Variants in JCHAIN observed in about 807,000 individuals in gnomAD.
JCHAIN encodes immunoglobulin J chain.
JCHAIN carries 5 observed loss-of-function variants against 11.1 expected under a neutral mutation model. The observed-to-expected ratio is 0.45, with a 90% CI of 0.24 to 0.95. The LOEUF (loss-of-function observed/expected upper bound fraction) is 0.95. JCHAIN is among the 40% of genes least tolerant of loss of function. The probability of loss-of-function intolerance (pLI) is 0.21; values close to 1 mark genes in which losing one functional copy is unlikely to be tolerated. For missense variants in JCHAIN, 165 were observed against 192.7 expected (o/e 0.86, Z 0.85); for synonymous variants, 51 against 67.8 (o/e 0.75, Z 1.22).
intron 2 of JCHAIN, among the ~76,000 whole-genome samples, chr4:70,660,465 C>T (rs973380121): frequency 4.0e-5 from 6 of 150,396 alleles, no homozygotes; most frequent in African/African-American, 1.2e-4. Context: ...CTGACTGCAA[C>T]CTCCGCCTTC....
rs75422156 is a variant in JCHAIN, at chr4:70,656,214, CAA to C, written c.*113_*114del. The C allele has an allele frequency of 0.025, 14,017 of 568,692 alleles. No homozygotes were observed. Among genetic ancestry groups the C allele is most frequent in the South Asian group, 0.043 (1,775 of 41,600 alleles). The allele number at this position is 568,692 out of a possible 1,614,324, so 35.2% of individuals were successfully genotyped here. On this transcript the variant is annotated 3_prime_UTR_variant, in exon 4 of 4. Transcript: ENST00000254801. ...GGCAGGGAGTTGGTTTTACATCACC[CAA>C]AAAAAAAAAAAAGCCCTGGTTTCAA...
At chr4:70,661,770 C>T (rs1330196918) in intron 2 of JCHAIN, among the ~76,000 whole-genome samples, 1 of 152,112 alleles carries the variant, frequency 6.6e-6, no homozygotes, top group East Asian at 1.9e-4. Context: ...CAGAGTGAGA[C>T]CCTGTCTCAA....
chr4:70,665,315 T>C (rs551251332), intron 1 of JCHAIN, among the ~76,000 whole-genome samples: 1 of 152,286 alleles, frequency 6.6e-6, no homozygotes, highest in South Asian at 2.1e-4. Context: ...GAAGTAATAA[T>C]AGTATTTATT....
intron 1 of JCHAIN, among the ~76,000 whole-genome samples, chr4:70,664,998 C>T (rs779639500): frequency 6.6e-6 from 1 of 152,170 alleles, no homozygotes; most frequent in Non-Finnish European, 1.5e-5. Context: ...TTTTTCCTAA[C>T]AAACCTGTTA....
In JCHAIN at chr4:70,656,262, C is replaced by T; in HGVS notation, c.*67G>A. 4 of 1,143,634 alleles carry T rather than the reference C, an allele frequency of 3.5e-6. No homozygotes were observed. Among genetic ancestry groups the T allele is most frequent in the Non-Finnish European group, 5.1e-6 (4 of 784,652 alleles). The allele number at this position is 1,143,634 out of a possible 1,614,324, so 70.8% of individuals were successfully genotyped here. A position where few individuals can be genotyped will look rare whatever the true frequency, so the allele number is the denominator to read the frequency against. On this transcript the variant is annotated 3_prime_UTR_variant, in exon 4 of 4. Coordinates refer to ENST00000254801, the MANE Select transcript of JCHAIN (RefSeq NM_144646.4). ...TTCAAATTCATTGGTAATAAATATG[C>T]TAACTTTCTGAATCAAAATGGAGAG...
chr4:70,660,038 A>G (rs895542031), intron 2 of JCHAIN, among the ~76,000 whole-genome samples: 3 of 152,178 alleles, frequency 2.0e-5, no homozygotes, highest in African/African-American at 7.2e-5. Context: ...TAAAATAAAA[A>G]GATGAATTAG....
chr4:70,666,376 C>G, intron 1 of JCHAIN, 51 bp downstream of exon 1: 2 of 1,290,816 alleles, frequency 1.5e-6, no homozygotes, highest in Admixed American at 1.8e-5. Context: ...AAAAACAGAT[C>G]TGTCCTATAT....
In JCHAIN at chr4:70,656,237, T is replaced by C. The variant is rs963093866; in HGVS notation, c.*92A>G. On this transcript the variant is annotated 3_prime_UTR_variant, in exon 4 of 4. Coordinates refer to ENST00000254801, the MANE Select transcript of JCHAIN (RefSeq NM_144646.4). ...CCCAAAAAAAAAAAAAAGCCCTGGT[T>C]TCAAATTCATTGGTAATAAATATGC... 2.2e-6 allele frequency: 2 copies of C among 915,444 alleles called. No individual in the cohort carries two copies. Among genetic ancestry groups the C allele is most frequent in the Admixed American group, 5.6e-5 (2 of 35,412 alleles). 56.7% of individuals were successfully genotyped at this position (915,444 alleles called of 1,614,324 possible). A position where few individuals can be genotyped will look rare whatever the true frequency, so the allele number is the denominator to read the frequency against.
intron 2 of JCHAIN, among the ~76,000 whole-genome samples, chr4:70,658,776 C>T (rs73824828): frequency 0.022 from 3,414 of 152,288 alleles, 116 homozygotes; most frequent in African/African-American, 0.072. Context: ...TGCCACCCTT[C>T]TCCTCTCCCC....
intron 2 of JCHAIN, 104 bp downstream of exon 2, chr4:70,661,988 C>A: frequency 9.0e-7 from 1 of 1,116,026 alleles, no homozygotes; most frequent in Non-Finnish European, 1.3e-6. Flanking sequence ...TGCTACACAG[C>A]AAAAAGGGGA....
intron 2 of JCHAIN, among the ~76,000 whole-genome samples, chr4:70,661,618 T>G (rs1739059672): frequency 6.6e-6 from 1 of 152,108 alleles, no homozygotes; most frequent in Non-Finnish European, 1.5e-5. Context: ...AGTGAGACCC[T>G]GTCTCTAAAG....
chr4:70,662,694 C>T (rs920749264), intron 1 of JCHAIN, among the ~76,000 whole-genome samples: 1 of 152,132 alleles, frequency 6.6e-6, no homozygotes, highest in African/African-American at 2.4e-5. Context: ...GGCGCAGTGG[C>T]TCATGCCTGT....
In JCHAIN at chr4:70,656,312, G is replaced by C; in HGVS notation, c.*17C>G. ...GCCTCTCAAGAAAAAGAGCTATGCA[G>C]TCAGCAATGACTTAAATTAGTCAGG... is the stretch of plus-strand genomic sequence containing the variant. On this transcript the variant is annotated 3_prime_UTR_variant, in exon 4 of 4. Transcript: ENST00000254801. The C allele has an allele frequency of 1.9e-6, 3 of 1,572,590 alleles. No individual in the cohort carries two copies. The highest frequency in any genetic ancestry group is 2.6e-6 in the Non-Finnish European group (3 of 1,142,426).
intron 2 of JCHAIN, among the ~76,000 whole-genome samples, chr4:70,660,378 A>T (rs1426975957): frequency 6.0e-5 from 8 of 134,206 alleles, no homozygotes; most frequent in South Asian, 2.3e-4. Flanking sequence ...GCAGTGCTGA[A>T]TTTTTTTTTT....
chr4:70,656,395 G>T lies in JCHAIN; in HGVS notation c.414C>A (p.Leu138=). ...CCATTTTGGTCTCACCACCATATAC[G>T]AGTGGGACCACAGCTGTGTAGCACT... ...RNKCYTAVVP[L]VYGGETKMVE... The change falls in exon 4 of 4, where the codon CTC becomes CTA. Residue 138 remains leucine (L), a synonymous_variant. Transcript: ENST00000254801. The T allele has an allele frequency of 6.2e-7, 1 of 1,613,974 alleles. No individual in the cohort carries two copies.
In JCHAIN at chr4:70,657,201, T is replaced by A. The variant is rs1168956777; in HGVS notation, c.269+10A>T. On this transcript the variant is annotated intron_variant, in intron 3 of 3. Transcript: ENST00000254801. ...ACATCTATATTACTATGGAAAAAAA[T>A]ATATCTTACAGGTCAGACAAATGGT... The A allele has an allele frequency of 1.3e-6, 2 of 1,503,828 alleles. No homozygotes were observed. Among genetic ancestry groups the A allele is most frequent in the Non-Finnish European group, 9.2e-7 (1 of 1,084,110 alleles). The allele number at this position is 1,503,828 out of a possible 1,614,324, so 93.2% of individuals were successfully genotyped here.
chr4:70,657,253 GT>G lies in JCHAIN; in HGVS notation c.226del (p.Thr76ProfsTer4). ...CACAAATCTGGTTCTCAATGGTGAG[GT>G]GGGATCAGAGATATTCTCCCTGTTG... is the stretch of plus-strand genomic sequence containing the variant. ...LNNRENISDP[T>X]SPLRTRFVYH... On this transcript the variant is annotated frameshift_variant, in exon 3 of 4. Coordinates refer to ENST00000254801, the MANE Select transcript of JCHAIN (RefSeq NM_144646.4). LOFTEE classifies it high-confidence loss of function. The G allele has an allele frequency of 6.2e-7, 1 of 1,605,552 alleles. No individual in the cohort carries two copies. Among genetic ancestry groups the G allele is most frequent in the Non-Finnish European group, 8.5e-7 (1 of 1,172,700 alleles).
intron 1 of JCHAIN, among the ~76,000 whole-genome samples, chr4:70,662,650 A>G (rs1453524349): frequency 6.6e-6 from 1 of 152,220 alleles, no homozygotes; most frequent in Admixed American, 6.5e-5. Context: ...ATTTAAAAAA[A>G]GGCTATATTT....
Position 70,656,285 on chromosome 4 carries a change from G to T in JCHAIN, c.*44C>A. Reference sequence around the variant, plus strand: ...TGCTAACTTTCTGAATCAAAATGGAGAGCCTCTCAAGAAAAAGAGCTATGC... The same window carrying T: ...TGCTAACTTTCTGAATCAAAATGGATAGCCTCTCAAGAAAAAGAGCTATGC... On this transcript the variant is annotated 3_prime_UTR_variant, in exon 4 of 4. Transcript: ENST00000254801. 1 of 1,285,292 alleles carries T rather than the reference G, an allele frequency of 7.8e-7. No homozygotes were observed. The highest frequency in any genetic ancestry group is 1.1e-6 in the Non-Finnish European group (1 of 888,996). The allele number at this position is 1,285,292 out of a possible 1,614,324, so 79.6% of individuals were successfully genotyped here.
Sources: allele counts gnomAD v4.1 joint callset (sites outside exome capture counted in the v4.1 genomes callset), GRCh38; gene constraint gnomAD v4.1.1; transcripts MANE v1.5; gene names NCBI Gene and HGNC (gene_info 2026-07-23, HGNC 2026-07-21).